Variants in HECW1 observed in about 807,000 individuals in gnomAD.
HECW1 encodes HECT, C2 and WW domain containing E3 ubiquitin protein ligase 1.
Under a neutral mutation model 182.3 loss-of-function variants are expected in HECW1, and 61 were observed. The ratio of observed to expected loss-of-function variants is 0.33; its 90% confidence interval spans 0.27 to 0.41. The LOEUF is 0.41. HECW1 is among the 10% of genes least tolerant of loss of function. The pLI is 1.00. For synonymous variants in HECW1, 859 were observed against 832.6 expected (o/e 1.03, Z -0.55); for missense variants, 1,739 against 2,108.9 (o/e 0.82, Z 3.44).
intron 11 of HECW1, among the ~76,000 whole-genome samples, chr7:43,449,293 ATGAAC>A (rs2077160121): frequency 6.6e-6 from 1 of 152,240 alleles, no homozygotes; most frequent in Non-Finnish European, 1.5e-5. Flanking sequence ...TCTGTCCACA[ATGAAC>A]TGGGTGCCGG....
chr7:43,257,625 T>C (rs1800717115), intron 3 of HECW1, among the ~76,000 whole-genome samples: 1 of 152,144 alleles, frequency 6.6e-6, no homozygotes, highest in Non-Finnish European at 1.5e-5. Context: ...TTATTTTATT[T>C]GTGTGGTTAA....
chr7:43,326,499 G>A (rs959079554), intron 5 of HECW1, among the ~76,000 whole-genome samples: 4 of 152,206 alleles, frequency 2.6e-5, no homozygotes, highest in Non-Finnish European at 5.9e-5. Context: ...TCCTCCACAA[G>A]GCGGCCCCAT....
intron 2 of HECW1, among the ~76,000 whole-genome samples, chr7:43,209,022 A>G (rs971695259): frequency 2.6e-5 from 4 of 152,198 alleles, no homozygotes; most frequent in African/African-American, 9.7e-5. Context: ...GGCTATATGC[A>G]CAAAACATTA....
chr7:43,302,953 G>GCGCGCACACACACGCA (rs1490606073), intron 3 of HECW1, among the ~76,000 whole-genome samples: 4 of 151,704 alleles, frequency 2.6e-5, no homozygotes, highest in African/African-American at 9.7e-5. Flanking sequence ...ACACACATGC[G>GCGCGCACACACACGCA]CGCACACACA....
intron 14 of HECW1, among the ~76,000 whole-genome samples, chr7:43,465,931 A>AAAGGAAGAAAGGAAGAAAAGAAAG (rs2077752213): frequency 6.7e-6 from 1 of 149,860 alleles, no homozygotes; most frequent in African/African-American, 2.5e-5. Flanking sequence ...AAGAAAGAAG[A>AAAGGAAGAAAGGAAGAAAAGAAAG]AAGGAAGAAA....
At chr7:43,558,979 T>C (rs1181029217) in intron 29 of HECW1, among the ~76,000 whole-genome samples, 2 of 152,134 alleles carry the variant, frequency 1.3e-5, no homozygotes, top group Non-Finnish European at 2.9e-5. Flanking sequence ...TGGAAGAAGA[T>C]TGGCATGAAG....
At chr7:43,517,057 ATGCTTG>A (rs1273944192) in intron 24 of HECW1, among the ~76,000 whole-genome samples, 1 of 152,206 alleles carries the variant, frequency 6.6e-6, no homozygotes, top group Non-Finnish European at 1.5e-5. Flanking sequence ...TATGTGGCCT[ATGCTTG>A]TGCTAACATG....
At chr7:43,379,338 G>C (rs1054805073) in intron 6 of HECW1, among the ~76,000 whole-genome samples, 5 of 152,232 alleles carry the variant, frequency 3.3e-5, no homozygotes, top group East Asian at 1.9e-4. Context: ...CAGCCTGCCT[G>C]CACACACACT....
chr7:43,370,165 A>G (rs184827493), intron 6 of HECW1, among the ~76,000 whole-genome samples: 251 of 152,358 alleles, frequency 1.6e-3, no homozygotes, highest in African/African-American at 5.8e-3. Context: ...ACAATGAGAA[A>G]GCAATCAAGC....
rs563648743 is a variant in HECW1 at position 43,331,571 on chromosome 7, C to T, written c.460+10829C>T. Among the ~76,000 whole-genome samples the T allele has an allele frequency of 1.9e-4, 28 of 147,986 alleles. 1 individual carries two copies. The highest frequency in any genetic ancestry group is 6.7e-4 in the African/African-American group (27 of 40,206). On this transcript the variant is annotated intron_variant, in intron 5 of 29. Coordinates refer to ENST00000395891, the MANE Select transcript of HECW1 (RefSeq NM_015052.5). ...TTGCGCCACTGCACTCCAGCCTGGGCGACAGAGCAAGACTCTGTCTCAAAA... is the reference window on the plus strand; with the variant it reads ...TTGCGCCACTGCACTCCAGCCTGGGTGACAGAGCAAGACTCTGTCTCAAAA...
intron 15 of HECW1, 65 bp downstream of exon 15, chr7:43,466,633 A>T: frequency 1.3e-6 from 2 of 1,552,872 alleles, no homozygotes; most frequent in African/African-American, 1.4e-5. Context: ...AGCTTTGTAA[A>T]GTCATCTGAT....
In HECW1 at chr7:43,420,644, C is replaced by T. The variant is rs560319848; in HGVS notation, c.801+12913C>T. Among the ~76,000 whole-genome samples the T allele has an allele frequency of 1.4e-4, 21 of 151,956 alleles. 1 individual carries two copies. Among genetic ancestry groups the T allele is most frequent in the African/African-American group, 4.1e-4 (17 of 41,432 alleles). ...TAACTGAATAAATAAAAGGTAGATA[C>T]GTAAAATAAATCATATTTCTATATG... On this transcript the variant is annotated intron_variant, in intron 8 of 29. Coordinates refer to ENST00000395891, the MANE Select transcript of HECW1 (RefSeq NM_015052.5).
In HECW1 at chr7:43,296,960, G is replaced by A. The variant is rs117096990; in HGVS notation, c.28-14803G>A. Among the ~76,000 whole-genome samples the A allele has an allele frequency of 2.0e-4, 30 of 152,312 alleles. No individual in the cohort carries two copies. In the East Asian group the frequency reaches 5.8e-3, roughly 29 times the overall value. ...CTTTTTGTGACAACCACCAATTAGA[G>A]ACAGTGATGGCCTCCTTCTGAGTGC... On this transcript the variant is annotated intron_variant, in intron 3 of 29. Coordinates refer to ENST00000395891, the MANE Select transcript of HECW1 (RefSeq NM_015052.5).
chr7:43,118,962 G>T (rs372775105), intron 2 of HECW1: 1 of 152,214 alleles, frequency 6.6e-6, no homozygotes, highest in Non-Finnish European at 1.5e-5. Context: ...GCTTCAAAAA[G>T]GTTGTCCCAC....
At chr7:43,317,834 T>C (rs1809538756) in intron 4 of HECW1, among the ~76,000 whole-genome samples, 1 of 151,856 alleles carries the variant, frequency 6.6e-6, no homozygotes, top group African/African-American at 2.4e-5. Flanking sequence ...TGTGTGTGTG[T>C]GTGTGTGTGT....
chr7:43,226,740 G>A (rs1797463868), intron 2 of HECW1, among the ~76,000 whole-genome samples: 1 of 152,176 alleles, frequency 6.6e-6, no homozygotes, highest in Admixed American at 6.5e-5. Flanking sequence ...GGAGGGTGGA[G>A]CAGAAGCCCC....
chr7:43,261,542 C>A (rs983916281), intron 3 of HECW1, among the ~76,000 whole-genome samples: 1 of 152,160 alleles, frequency 6.6e-6, no homozygotes, highest in African/African-American at 2.4e-5. Flanking sequence ...ACCTGGCTGC[C>A]CCTGGTACAG....
At chr7:43,127,027 C>A (rs890504098) in intron 2 of HECW1, among the ~76,000 whole-genome samples, 1 of 152,062 alleles carries the variant, frequency 6.6e-6, no homozygotes, top group Admixed American at 6.6e-5. Flanking sequence ...TTTAAGTGTT[C>A]AAGTGGAAGG....
At position 43,229,694 on chromosome 7, in the gene HECW1, G is replaced by A. The variant is rs139442607; in HGVS notation, c.-31-14181G>A. 4.6e-3 allele frequency among the ~76,000 whole-genome samples: 705 copies of A among 152,230 alleles called. 9 individuals carry two copies. The highest frequency in any genetic ancestry group is 0.016 in the African/African-American group (656 of 41,538). On this transcript the variant is annotated intron_variant, in intron 2 of 29. Coordinates refer to ENST00000395891, the MANE Select transcript of HECW1 (RefSeq NM_015052.5). Reference sequence around the variant, plus strand: ...CGGCCTCTGATTCAAGCAAAAACTAGTTAATGGATGGTAAAGGAAATGGGT... The same window carrying A: ...CGGCCTCTGATTCAAGCAAAAACTAATTAATGGATGGTAAAGGAAATGGGT...
Sources: gnomAD v4.1 joint callset for allele counts (sites outside exome capture counted in the v4.1 genomes callset) on GRCh38, gnomAD v4.1.1 for gene constraint, MANE v1.5 for transcripts, NCBI Gene and HGNC (gene_info 2026-07-23, HGNC 2026-07-21) for gene names.